RGS17: variants seen among roughly 807,000 people sequenced by gnomAD.
The protein encoded by RGS17 is regulator of G-protein signaling 17.
Under a neutral mutation model 25.5 loss-of-function variants are expected in RGS17, and 12 were observed. That is an observed-to-expected ratio of 0.47 (90% CI 0.30 to 0.76). RGS17 has a LOEUF of 0.76. Among genes scored for constraint, RGS17 ranks in the 30% least tolerant of loss-of-function variants. The pLI is 0.07. For missense variants in RGS17, 196 were observed against 242.2 expected (o/e 0.81, Z 1.27); for synonymous variants, 71 against 76.9 (o/e 0.92, Z 0.40).
intron 3 of RGS17, among the ~76,000 whole-genome samples, chr6:153,025,537 T>C (rs1441731564): frequency 6.6e-6 from 1 of 151,300 alleles, no homozygotes; most frequent in African/African-American, 2.4e-5. Context: ...TGGAGAGTCT[T>C]ATGGTTAAAA....
chr6:153,110,558 A>G (rs1011296250), intron 1 of RGS17, among the ~76,000 whole-genome samples: 2 of 152,212 alleles, frequency 1.3e-5, no homozygotes, highest in Non-Finnish European at 2.9e-5. Context: ...TTATTAATGC[A>G]ATAATAGCAC....
intron 2 of RGS17, among the ~76,000 whole-genome samples, chr6:153,043,618 A>C (rs1383560082): frequency 6.6e-6 from 1 of 152,144 alleles, no homozygotes. Context: ...ATTTTTACCC[A>C]TATCTTTAAG....
intron 1 of RGS17, among the ~76,000 whole-genome samples, chr6:153,116,124 A>C (rs910048979): frequency 1.3e-5 from 2 of 152,234 alleles, no homozygotes; most frequent in African/African-American, 4.8e-5. Flanking sequence ...CTATCATCAG[A>C]GTGAACAGGC....
At chr6:153,087,450 A>T (rs1026043595) in intron 1 of RGS17, among the ~76,000 whole-genome samples, 1 of 152,200 alleles carries the variant, frequency 6.6e-6, no homozygotes, top group Non-Finnish European at 1.5e-5. Flanking sequence ...AAACAAATAC[A>T]CATACTAGTC....
Position 153,009,007 on chromosome 6 carries a change from C to T in RGS17, c.*2567G>A, listed in dbSNP as rs1266329125. The T allele has an allele frequency of 2.0e-5, 3 of 152,086 alleles. No homozygotes were observed. Among genetic ancestry groups the T allele is most frequent in the Non-Finnish European group, 4.4e-5 (3 of 67,978 alleles). The allele number at this position is 152,086 out of a possible 1,614,324, so 9.4% of individuals were successfully genotyped here. A position where few individuals can be genotyped will look rare whatever the true frequency, so the allele number is the denominator to read the frequency against. On this transcript the variant is annotated 3_prime_UTR_variant, in exon 5 of 5. Transcript: ENST00000206262. ...TATCAACATCTGATGTGTAAATCTG[C>T]TCTCGAATCTTTTTTAACTCAACTT...
intron 1 of RGS17, among the ~76,000 whole-genome samples, chr6:153,090,224 T>C (rs944123885): frequency 9.9e-5 from 15 of 151,964 alleles, no homozygotes; most frequent in African/African-American, 3.6e-4. Context: ...CTAAAACAGG[T>C]AGAGGTAAAA....
At chr6:153,075,165 CT>C (rs1776860691) in intron 1 of RGS17, among the ~76,000 whole-genome samples, 2 of 152,088 alleles carry the variant, frequency 1.3e-5, no homozygotes, top group Non-Finnish European at 2.9e-5. Flanking sequence ...TAAACTGAAA[CT>C]TTTGTTTAAA....
intron 4 of RGS17, among the ~76,000 whole-genome samples, chr6:153,020,786 T>A (rs1039380249): frequency 1.3e-5 from 2 of 152,094 alleles, no homozygotes; most frequent in African/African-American, 4.8e-5. Flanking sequence ...AGTAGAAACA[T>A]GCATAGAATT....
rs951398669 is a variant in RGS17 at position 153,130,163 on chromosome 6, G to C, written c.-26+961C>G. The stretch of plus-strand genomic sequence containing the variant: ...ATTTATTCAGGGAGACAGGGAGGCA[G>C]AGAGAAGAGGAGAAAGCGGCCGTGT... On this transcript the variant is annotated intron_variant, in intron 1 of 4. Transcript: ENST00000206262. The surrounding 1 kb of genome is among the most constrained non-coding windows in gnomAD (Gnocchi z 6.4). Among the ~76,000 whole-genome samples, 1 of 152,196 alleles carries C rather than the reference G, an allele frequency of 6.6e-6. No individual in the cohort carries two copies. Among genetic ancestry groups the C allele is most frequent in the Non-Finnish European group, 1.5e-5 (1 of 68,036 alleles).
At chr6:153,115,813 G>A (rs1002451279) in intron 1 of RGS17, among the ~76,000 whole-genome samples, 3 of 152,136 alleles carry the variant, frequency 2.0e-5, no homozygotes, top group African/African-American at 7.2e-5. Flanking sequence ...AGAAAAACAA[G>A]CAATGGGGAA....
In RGS17 at chr6:153,130,777, G is replaced by A. The variant is rs1160821405; in HGVS notation, c.-26+347C>T. On this transcript the variant is annotated intron_variant, in intron 1 of 4. Transcript: ENST00000206262. This position sits in a 1 kb window ranked among gnomAD's most constrained non-coding sequence, Gnocchi z 6.4. The stretch of plus-strand genomic sequence containing the variant: ...CCCGGCCGCCCCCAGCAGGCGCCCC[G>A]CTCTCCGCGGGAACTCTGGGACCTG... Among the ~76,000 whole-genome samples, 1 of 152,080 alleles carries A rather than the reference G, an allele frequency of 6.6e-6. No homozygotes were observed. Among genetic ancestry groups the A allele is most frequent in the African/African-American group, 2.4e-5 (1 of 41,438 alleles).
chr6:153,101,471 C>G (rs759611463), intron 1 of RGS17, among the ~76,000 whole-genome samples: 1 of 152,054 alleles, frequency 6.6e-6, no homozygotes, highest in Non-Finnish European at 1.5e-5. Flanking sequence ...TGTATGCTAC[C>G]GATTTAAAAG....
chr6:153,122,976 TGTACATTGGA>T (rs1345646520), intron 1 of RGS17, among the ~76,000 whole-genome samples: 4 of 150,678 alleles, frequency 2.7e-5, no homozygotes, highest in South Asian at 2.1e-4. Context: ...AATACTCCAA[TGTACATTGGA>T]GTACATTGGA....
intron 1 of RGS17, among the ~76,000 whole-genome samples, chr6:153,105,673 A>G (rs1777369467): frequency 6.6e-6 from 1 of 151,616 alleles, no homozygotes; most frequent in South Asian, 2.1e-4. Context: ...CAGGTAAAAC[A>G]TCTCATCCAG....
intron 1 of RGS17, among the ~76,000 whole-genome samples, chr6:153,092,743 TACAA>T (rs1200006104): frequency 3.0e-4 from 46 of 152,368 alleles, no homozygotes; most frequent in Non-Finnish European, 7.3e-5. Context: ...TTTGGAATTA[TACAA>T]ACAGTGTCTG....
intron 1 of RGS17, among the ~76,000 whole-genome samples, chr6:153,081,304 T>C (rs973342213): frequency 6.6e-6 from 1 of 152,146 alleles, no homozygotes; most frequent in African/African-American, 2.4e-5. Flanking sequence ...ACATTTATCA[T>C]TGTTATGTCT....
chr6:153,109,811 C>T (rs755882172), intron 1 of RGS17, among the ~76,000 whole-genome samples: 2 of 152,220 alleles, frequency 1.3e-5, no homozygotes, highest in Non-Finnish European at 2.9e-5. Flanking sequence ...AAACCTTTTG[C>T]TTGTCCGGAA....
intron 2 of RGS17, among the ~76,000 whole-genome samples, chr6:153,036,729 A>T (rs190839057): frequency 1.3e-5 from 2 of 152,238 alleles, no homozygotes; most frequent in African/African-American, 2.4e-5. Context: ...ATATGGAGTC[A>T]TCCTTCTCTT....
rs1198608601 is a variant in RGS17 at position 153,024,367 on chromosome 6, G to A, written c.339C>T (p.Phe113=). The A allele has an allele frequency of 6.2e-7, 1 of 1,614,134 alleles. No individual in the cohort carries two copies. The highest frequency in any genetic ancestry group is 8.5e-7 in the Non-Finnish European group (1 of 1,179,968). The change falls in exon 4 of 5, where the codon TTC becomes TTT. Residue 113 remains phenylalanine, a synonymous_variant. Transcript: ENST00000206262. ...TCTTTAAGTCTTCACAAGCAAGCCA[G>A]AAAAGTAGGTTCTCTTCACTGTATT... ...RTEYSEENLL[F]WLACEDLKKE...
Sources: gnomAD v4.1 joint callset for allele counts (sites outside exome capture counted in the v4.1 genomes callset) on GRCh38, gnomAD v4.1.1 for gene constraint, Gnocchi (gnomAD v3.1) non-coding constraint, MANE v1.5 for transcripts, NCBI Gene and HGNC (gene_info 2026-07-23, HGNC 2026-07-21) for gene names.